KIF13A: variants seen among roughly 807,000 people sequenced by gnomAD.
KIF13A encodes the protein kinesin family member 13A.
A neutral mutation model predicts 212.2 loss-of-function variants in KIF13A; 79 were observed. The observed-to-expected ratio is 0.37, with a 90% CI of 0.31 to 0.45. KIF13A has a LOEUF of 0.45. Ranked by LOEUF, KIF13A falls within the 20% of genes least tolerant of loss-of-function variation. The probability of loss-of-function intolerance (pLI) is 1.00; values close to 1 mark genes in which losing one functional copy is unlikely to be tolerated. For missense variants in KIF13A, 1,901 were observed against 2,209.0 expected (o/e 0.86, Z 2.79); for synonymous variants, 789 against 808.6 (o/e 0.98, Z 0.41).
chr6:17,951,242 C>A lies in KIF13A; in HGVS notation c.146+35812G>T. 1.3e-6 allele frequency: 1 copy of A among 744,530 alleles called. No homozygotes were observed. The highest frequency in any genetic ancestry group is 3.0e-5 in the South Asian group (1 of 33,186). The allele number at this position is 744,530 out of a possible 1,614,324, so 46.1% of individuals were successfully genotyped here. ...CAAACAGCTCACTGGAGCCTCCTGC[C>A]TCAGTCTCCTGAGTAGCTGGGACCA... On this transcript the variant is annotated intron_variant, in intron 2 of 38. Transcript: ENST00000259711. The surrounding 1 kb of genome is among the most constrained non-coding windows in gnomAD (Gnocchi z 4.9).
Position 17,829,400 on chromosome 6 carries a change from C to T in KIF13A, c.1402-1030G>A, listed in dbSNP as rs79102173. On this transcript the variant is annotated intron_variant, in intron 13 of 38. Transcript: ENST00000259711. The surrounding 1 kb of genome is among the most constrained non-coding windows in gnomAD (Gnocchi z 5.4). The stretch of plus-strand genomic sequence containing the variant: ...GTGTTTATATTAAAGTAGTTTTGAC[C>T]TCACAGGCCTCATGAAAGGTTCTCA... Among the ~76,000 whole-genome samples, 2,715 of 152,214 alleles carry T rather than the reference C, an allele frequency of 0.018. 93 individuals carry two copies. The highest frequency in any genetic ancestry group is 0.061 in the African/African-American group (2,540 of 41,524).
chr6:17,827,809 AC>A (rs1765102689), intron 14 of KIF13A, among the ~76,000 whole-genome samples: 1 of 152,156 alleles, frequency 6.6e-6, no homozygotes, highest in South Asian at 2.1e-4. Flanking sequence ...GGTGTGAGCC[AC>A]CCCGCCTAGC....
intron 4 of KIF13A, among the ~76,000 whole-genome samples, chr6:17,866,821 A>G (rs1284130291): frequency 7.6e-6 from 1 of 131,442 alleles, no homozygotes; most frequent in African/African-American, 2.9e-5. Flanking sequence ...AGAACAAAAA[A>G]GCAGCGCATA....
chr6:17,962,577 A>G (rs1378583737), intron 2 of KIF13A, among the ~76,000 whole-genome samples: 2 of 152,128 alleles, frequency 1.3e-5, no homozygotes, highest in Non-Finnish European at 2.9e-5. Flanking sequence ...GGACACAACC[A>G]TCTGTACCGG....
At chr6:17,889,894 T>C (rs1226451031) in intron 3 of KIF13A, among the ~76,000 whole-genome samples, 2 of 152,140 alleles carry the variant, frequency 1.3e-5, no homozygotes, top group African/African-American at 4.8e-5. Flanking sequence ...TGGCTCACTC[T>C]AGCACTTTGG....
At position 17,900,994 on chromosome 6, in the gene KIF13A, C is replaced by T. The variant is rs1385922037; in HGVS notation, c.147-2814G>A. ...TTGGGAGGCTGAGGCAGGAGAATGG[C>T]GTGAACCCAGGAGGCGGAGCTTGCA... is the stretch of plus-strand genomic sequence containing the variant. On this transcript the variant is annotated intron_variant, in intron 2 of 38. Transcript: ENST00000259711. This position sits in a 1 kb window ranked among gnomAD's most constrained non-coding sequence, Gnocchi z 4.6. Among the ~76,000 whole-genome samples the T allele has an allele frequency of 1.4e-5, 2 of 145,744 alleles. No homozygotes were observed. The highest frequency in any genetic ancestry group is 2.5e-5 in the African/African-American group (1 of 39,640).
chr6:17,875,480 A>T lies in KIF13A; in HGVS notation c.160-2043T>A, dbSNP rs1395606868. Among the ~76,000 whole-genome samples, 6 of 142,470 alleles carry T rather than the reference A, an allele frequency of 4.2e-5. No homozygotes were observed. The East Asian group carries it at 1.0e-3, about 24-fold the overall frequency. The allele number at this position is 142,470 out of a possible 152,430, so 93.5% of individuals were successfully genotyped here. Reference sequence around the variant, plus strand: ...CCTTTTTTTTTTTTTTTTGAGACAGAGTCTCACTCTGTCACCCAGGCTGCA... The same window carrying T: ...CCTTTTTTTTTTTTTTTTGAGACAGTGTCTCACTCTGTCACCCAGGCTGCA... On this transcript the variant is annotated intron_variant, in intron 3 of 38. Coordinates refer to ENST00000259711, the MANE Select transcript of KIF13A (RefSeq NM_022113.6).
At position 17,809,469 on chromosome 6, in the gene KIF13A, C is replaced by T. The variant is rs1763250327; in HGVS notation, c.2001-539G>A. Among the ~76,000 whole-genome samples, 1 of 152,196 alleles carries T rather than the reference C, an allele frequency of 6.6e-6. No homozygotes were observed. The highest frequency in any genetic ancestry group is 2.4e-5 in the African/African-American group (1 of 41,456). ...CTCTAATATCCCAGATTGGTCAAAA[C>T]CCTCTTATATGTTCTCTCAGCCCCA... is the stretch of plus-strand genomic sequence containing the variant. On this transcript the variant is annotated intron_variant, in intron 17 of 38. Coordinates refer to ENST00000259711, the MANE Select transcript of KIF13A (RefSeq NM_022113.6). This position sits in a 1 kb window ranked among gnomAD's most constrained non-coding sequence, Gnocchi z 4.7.
In KIF13A at chr6:17,855,295, G is replaced by T; in HGVS notation, c.494+142C>A. 1.6e-6 allele frequency: 1 copy of T among 637,470 alleles called. No individual in the cohort carries two copies. The highest frequency in any genetic ancestry group is 2.6e-6 in the Non-Finnish European group (1 of 383,858). 39.5% of individuals were successfully genotyped at this position (637,470 alleles called of 1,614,324 possible). A position where few individuals can be genotyped will look rare whatever the true frequency, so the allele number is the denominator to read the frequency against. ...TGGGTATACCAAAAGGCTTTGAGAA[G>T]CTGATGATTTTTCTGTAAATGAATG... is the stretch of plus-strand genomic sequence containing the variant. On this transcript the variant is annotated intron_variant, in intron 6 of 38. Transcript: ENST00000259711. The surrounding 1 kb of genome is among the most constrained non-coding windows in gnomAD (Gnocchi z 4.1).
chr6:17,946,866 T>G (rs955599784), intron 2 of KIF13A, among the ~76,000 whole-genome samples: 3 of 152,216 alleles, frequency 2.0e-5, no homozygotes, highest in African/African-American at 7.2e-5. Flanking sequence ...ACAGCAAAAG[T>G]GAATTCAGCT....
rs1774779361 is a variant in KIF13A, at chr6:17,918,911, G to A, written c.147-20731C>T. On this transcript the variant is annotated intron_variant, in intron 2 of 38. Coordinates refer to ENST00000259711, the MANE Select transcript of KIF13A (RefSeq NM_022113.6). The surrounding 1 kb of genome is among the most constrained non-coding windows in gnomAD (Gnocchi z 4.8). ...TTATTTATTTGCTTATTATCCACAG[G>A]TCTCCCCTGGATCTGACAGTTATAA... Among the ~76,000 whole-genome samples the A allele has an allele frequency of 6.6e-6, 1 of 152,020 alleles. No homozygotes were observed. The highest frequency in any genetic ancestry group is 1.5e-5 in the Non-Finnish European group (1 of 68,016).
chr6:17,778,450 T>C (rs1174182678), intron 33 of KIF13A, among the ~76,000 whole-genome samples: 1 of 152,082 alleles, frequency 6.6e-6, no homozygotes, highest in African/African-American at 2.4e-5. Context: ...TATAGTTGCA[T>C]TACTTAGTGG....
At chr6:17,814,538 C>T (rs947694854) in intron 17 of KIF13A, among the ~76,000 whole-genome samples, 5 of 150,044 alleles carry the variant, frequency 3.3e-5, no homozygotes, top group African/African-American at 7.4e-5. Context: ...TGAGCCACCG[C>T]GCCCAGCCAG....
In KIF13A at chr6:17,849,516, GA is replaced by G; in HGVS notation, c.718-28del. The G allele has an allele frequency of 6.4e-7, 1 of 1,551,878 alleles. No homozygotes were observed. The highest frequency in any genetic ancestry group is 1.1e-5 in the South Asian group (1 of 87,846). ...TAGTTATAGGAAACGAGAGAGAGAA[GA>G]AAAACTTATCAATAAAAACCACATG... On this transcript the variant is annotated intron_variant, in intron 8 of 38. Coordinates refer to ENST00000259711, the MANE Select transcript of KIF13A (RefSeq NM_022113.6). This position sits in a 1 kb window ranked among gnomAD's most constrained non-coding sequence, Gnocchi z 5.7.
At chr6:17,774,544 C>T (rs769152626) in intron 35 of KIF13A, among the ~76,000 whole-genome samples, 2 of 152,070 alleles carry the variant, frequency 1.3e-5, no homozygotes, top group South Asian at 2.1e-4. Flanking sequence ...GAGGCCGAGG[C>T]GGATCGATCA....
rs1333463206 is a variant in KIF13A at position 17,837,948 on chromosome 6, T to G, written c.831-365A>C. On this transcript the variant is annotated intron_variant, in intron 9 of 38. Coordinates refer to ENST00000259711, the MANE Select transcript of KIF13A (RefSeq NM_022113.6). This position sits in a 1 kb window ranked among gnomAD's most constrained non-coding sequence, Gnocchi z 5.4. ...AGCCTGGGCGACAGAGTGAGACTCT[T>G]TCAAAAAAACAAAAACAAAGAAACC... is the stretch of plus-strand genomic sequence containing the variant. Among the ~76,000 whole-genome samples the G allele has an allele frequency of 1.4e-5, 2 of 139,144 alleles. No individual in the cohort carries two copies. Among genetic ancestry groups the G allele is most frequent in the Non-Finnish European group, 3.1e-5 (2 of 63,526 alleles). The allele number at this position is 139,144 out of a possible 152,430, so 91.3% of individuals were successfully genotyped here. A position where few individuals can be genotyped will look rare whatever the true frequency, so the allele number is the denominator to read the frequency against.
At chr6:17,852,126 T>C in intron 6 of KIF13A, 84 bp from the exon 7 acceptor site, 2 of 604,766 alleles carry the variant, frequency 3.3e-6, no homozygotes, top group Non-Finnish European at 5.2e-6. Flanking sequence ...GTAACTAAGA[T>C]AACAATTTCA....
At position 17,831,076 on chromosome 6, in the gene KIF13A, C is replaced by T. The variant is rs1323761900; in HGVS notation, c.1401+25G>A. 4 of 1,598,072 alleles carry T rather than the reference C, an allele frequency of 2.5e-6. No individual in the cohort carries two copies. In the South Asian group the frequency reaches 4.5e-5, roughly 18 times the overall value. On this transcript the variant is annotated intron_variant, in intron 13 of 38. Transcript: ENST00000259711. ...ACTGTATAGGAATGAATCTTGATTGCATATGTATTTATATGTTCTCCTACC... is the reference window on the plus strand; with the variant it reads ...ACTGTATAGGAATGAATCTTGATTGTATATGTATTTATATGTTCTCCTACC...
Position 17,826,747 on chromosome 6 carries a change from C to G in KIF13A, c.1533-623G>C, listed in dbSNP as rs183761128. 8.6e-4 allele frequency among the ~76,000 whole-genome samples: 131 copies of G among 152,190 alleles called. No individual in the cohort carries two copies. The highest frequency in any genetic ancestry group is 2.9e-3 in the African/African-American group (121 of 41,518). On this transcript the variant is annotated intron_variant, in intron 14 of 38. Transcript: ENST00000259711. The surrounding 1 kb of genome is among the most constrained non-coding windows in gnomAD (Gnocchi z 4.7). ...AAACTGATGAGACAACTGGGGAAAT[C>G]TGAACACTGACTGGCTATATGAAGA...
Sources: allele counts gnomAD v4.1 joint callset (sites outside exome capture counted in the v4.1 genomes callset), GRCh38; gene constraint gnomAD v4.1.1; non-coding constraint Gnocchi (gnomAD v3.1); transcripts MANE v1.5; gene names NCBI Gene and HGNC (gene_info 2026-07-23, HGNC 2026-07-21).